PAF1: variants seen among roughly 807,000 people sequenced by gnomAD.
PAF1 encodes RNA polymerase II-associated factor 1 homolog.
In PAF1, 31 loss-of-function variants were observed where a neutral mutation model predicts 68.4. The ratio of observed to expected loss-of-function variants is 0.45; its 90% CI spans 0.34 to 0.61. The LOEUF (loss-of-function observed/expected upper bound fraction) is 0.61. Ranked by LOEUF, PAF1 falls within the 20% of genes least tolerant of loss-of-function variation. The pLI, the probability that PAF1 is intolerant of heterozygous loss-of-function variation, is 0.01. For missense variants in PAF1, 435 were observed against 692.9 expected (o/e 0.63, Z 4.18); for synonymous variants, 256 against 240.5 (o/e 1.06, Z -0.60).
intron 11 of PAF1, chr19:39,387,274 T>C (rs1346680389): frequency 5.7e-6 from 2 of 352,908 alleles, no homozygotes; most frequent in Admixed American, 2.9e-5. Context: ...TATCTAAACA[T>C]AGAAAAGGTA....
chr19:39,387,093 A>G (rs2078268872), intron 11 of PAF1: 1 of 509,782 alleles, frequency 2.0e-6, no homozygotes. Context: ...ACATTCTGAG[A>G]TATACATCAT....
At position 39,389,881 on chromosome 19, in the gene PAF1, G is replaced by A. The variant is rs2078335836; in HGVS notation, c.171-120C>T. 1 of 1,401,754 alleles carries A rather than the reference G, an allele frequency of 7.1e-7. No homozygotes were observed. Among genetic ancestry groups the A allele is most frequent in the Non-Finnish European group, 1.0e-6 (1 of 995,538 alleles). The allele number at this position is 1,401,754 out of a possible 1,614,324, so 86.8% of individuals were successfully genotyped here. On this transcript the variant is annotated intron_variant, in intron 3 of 13. Coordinates refer to ENST00000221265, the MANE Select transcript of PAF1 (RefSeq NM_019088.4). This position sits in a 1 kb window ranked among gnomAD's most constrained non-coding sequence, Gnocchi z 5.3. ...AGAATGAAGTGTCCCCCATGGCAGA[G>A]TCTGAAAGCTGGCTCCCCAGTGGGA...
chr19:39,389,556 A>G lies in PAF1; in HGVS notation c.293-10T>C, dbSNP rs750556137. 1 of 1,614,058 alleles carries G rather than the reference A, an allele frequency of 6.2e-7. No individual in the cohort carries two copies. Among genetic ancestry groups the G allele is most frequent in the Non-Finnish European group, 8.5e-7 (1 of 1,180,000 alleles). On this transcript the variant is annotated splice_polypyrimidine_tract_variant and intron_variant, in intron 4 of 13. Transcript: ENST00000221265. The surrounding 1 kb of genome is among the most constrained non-coding windows in gnomAD (Gnocchi z 5.3). ...GCTGGATCTAGAAGAACTAGAGGAGAGCGGGGGGCAGGAGGACCATGAGGG... is the reference window on the plus strand; with the variant it reads ...GCTGGATCTAGAAGAACTAGAGGAGGGCGGGGGGCAGGAGGACCATGAGGG...
chr19:39,389,683 G>A lies in PAF1; in HGVS notation c.249C>T (p.Thr83=). The A allele has an allele frequency of 6.2e-7, 1 of 1,614,170 alleles. No individual in the cohort carries two copies. The highest frequency in any genetic ancestry group is 8.5e-7 in the Non-Finnish European group (1 of 1,180,006). ...DLLTEPDLGV[T]IDLINPDTYR... is the part of the protein sequence containing the mutation. ...AGGTGTCAGGATTGATGAGATCGAT[G>A]GTGACCCCCAGGTCTGGCTCAGTCA... is the stretch of plus-strand genomic sequence containing the variant. Residue 83 remains threonine, a synonymous_variant, in exon 4 of 14, where the codon ACC becomes ACT. Coordinates refer to ENST00000221265, the MANE Select transcript of PAF1 (RefSeq NM_019088.4). The surrounding 1 kb of genome is among the most constrained non-coding windows in gnomAD (Gnocchi z 5.3).
At chr19:39,388,066 AG>A (rs2078291921) in intron 11 of PAF1, among the ~76,000 whole-genome samples, 1 of 152,170 alleles carries the variant, frequency 6.6e-6, no homozygotes, top group African/African-American at 2.4e-5. Flanking sequence ...ACTTGAACCC[AG>A]GAAGCGGAGG....
intron 11 of PAF1, among the ~76,000 whole-genome samples, chr19:39,387,810 CTGCCTTGCGCAAAGGCT>C (rs1460497211): frequency 6.6e-6 from 1 of 152,242 alleles, no homozygotes; most frequent in Non-Finnish European, 1.5e-5. Flanking sequence ...ACTTGGCCCT[CTGCCTTGCGCAAAGGCT>C]CTAAATGTCT....
At position 39,388,189 on chromosome 19, in the gene PAF1, CT is replaced by C. The variant is rs1262837893; in HGVS notation, c.986+149del. 945 of 750,708 alleles carry C rather than the reference CT, an allele frequency of 1.3e-3. 16 individuals carry two copies. The South Asian group carries it at 0.016, about 13-fold the overall frequency. 46.5% of individuals were successfully genotyped at this position (750,708 alleles called of 1,614,324 possible). A position where few individuals can be genotyped will look rare whatever the true frequency, so the allele number is the denominator to read the frequency against. Reference sequence around the variant, plus strand: ...CTCCTCCTGTTAGAACCAAGTCCAGCTCATGTGCATGACCAGACATCTGCTG... The same window carrying C: ...CTCCTCCTGTTAGAACCAAGTCCAGCCATGTGCATGACCAGACATCTGCTG... On this transcript the variant is annotated intron_variant, in intron 11 of 13. Transcript: ENST00000221265.
chr19:39,388,625 T>G lies in PAF1; in HGVS notation c.792A>C (p.Val264=), dbSNP rs201346621. ...GCTTTCGTTTCTTCAACGTCTCTTC[T>G]ACAGGCAGGAAATAGGCCACAAACT... ...GNQFVAYFLP[V]EETLKKRKRD... is the part of the protein sequence containing the mutation. The change falls in exon 10 of 14, where the codon GTA becomes GTC. Residue 264 remains valine, a synonymous_variant. Coordinates refer to ENST00000221265, the MANE Select transcript of PAF1 (RefSeq NM_019088.4). 44 of 1,614,130 alleles carry G rather than the reference T, an allele frequency of 2.7e-5. No homozygotes were observed. Among genetic ancestry groups the G allele is most frequent in the Non-Finnish European group, 3.6e-5 (43 of 1,180,030 alleles).
At chr19:39,387,931 A>G (rs529179018) in intron 11 of PAF1, among the ~76,000 whole-genome samples, 1 of 152,272 alleles carries the variant, frequency 6.6e-6, no homozygotes, top group East Asian at 1.9e-4. Context: ...TGAGGTCAGG[A>G]GTTCAAGACC....
chr19:39,390,617 G>A (rs2078359602), intron 1 of PAF1, among the ~76,000 whole-genome samples: 1 of 152,158 alleles, frequency 6.6e-6, no homozygotes, highest in South Asian at 2.1e-4. Flanking sequence ...GATCCCTTCT[G>A]GAGGGAGTCT....
Position 39,388,748 on chromosome 19 carries a change from G to A in PAF1, c.740+14C>T, listed in dbSNP as rs1320817698. 6.2e-7 allele frequency: 1 copy of A among 1,603,262 alleles called. No homozygotes were observed. Among genetic ancestry groups the A allele is most frequent in the East Asian group, 2.2e-5 (1 of 44,852 alleles). On this transcript the variant is annotated intron_variant, in intron 9 of 13. Coordinates refer to ENST00000221265, the MANE Select transcript of PAF1 (RefSeq NM_019088.4). ...AGCAAGGAGCAGGCCAAGGTGGACA[G>A]CAGGACCACCTACCTAATCATGGCC...
Position 39,389,327 on chromosome 19 carries a change from G to T in PAF1, c.416C>A (p.Thr139Asn), listed in dbSNP as rs1263728908. 2 of 1,614,066 alleles carry T rather than the reference G, an allele frequency of 1.2e-6. No individual in the cohort carries two copies. Among genetic ancestry groups the T allele is most frequent in the African/African-American group, 2.7e-5 (2 of 74,926 alleles). The change falls in exon 6 of 14, where the codon ACT (threonine) becomes AAT (asparagine). Residue 139 changes from threonine to asparagine, a missense_variant. Thr to Asn is a moderately conservative substitution (Grantham distance 65, BLOSUM62 0). Transcript: ENST00000221265. This position sits in a 1 kb window ranked among gnomAD's most constrained non-coding sequence, Gnocchi z 5.3. ...GGAGATGCCATAACGGTTGAACTCA[G>T]TGGAGATGTACTCTGTCTTTCGCAT... The part of the protein sequence containing the change: ...PWMRKTEYIS[T>N]EFNRYGISNE...
Position 39,390,099 on chromosome 19 carries a change from T to G in PAF1, c.140A>C (p.Lys47Thr). 1 of 1,613,938 alleles carries G rather than the reference T, an allele frequency of 6.2e-7. No homozygotes were observed. The highest frequency in any genetic ancestry group is 8.5e-7 in the Non-Finnish European group (1 of 1,179,908). The part of the protein sequence containing the change: ...NSLPDIPFDP[K>T]FITYPFDQNR... Reference sequence around the variant, plus strand: ...CTGGTCGAAGGGGTAGGTGATGAACTTGGGGTCGAAGGGGATATCAGGGAG... The same window carrying G: ...CTGGTCGAAGGGGTAGGTGATGAACGTGGGGTCGAAGGGGATATCAGGGAG... The change falls in exon 3 of 14, where the codon AAG becomes ACG. Residue 47 changes from lysine to threonine, a missense_variant. Transcript: ENST00000221265.
In PAF1 at chr19:39,386,627, T is replaced by TC; in HGVS notation, c.1093-56dup. 2 of 1,604,034 alleles carry TC rather than the reference T, an allele frequency of 1.2e-6. No homozygotes were observed. Among genetic ancestry groups the TC allele is most frequent in the Non-Finnish European group, 1.7e-6 (2 of 1,170,994 alleles). On this transcript the variant is annotated intron_variant, in intron 12 of 13. Coordinates refer to ENST00000221265, the MANE Select transcript of PAF1 (RefSeq NM_019088.4). The surrounding 1 kb of genome is among the most constrained non-coding windows in gnomAD (Gnocchi z 6.1). The stretch of plus-strand genomic sequence containing the variant: ...AGGAGGGTGTTCTGCTGGGTTTTTG[T>TC]CCCCCTCCTCACCTACAACCACCAC...
In PAF1 at chr19:39,386,185, C is replaced by G. The variant is rs146793593; in HGVS notation, c.1402G>C (p.Asp468His). ...CCTTGGGCCTGTCCTCTGTCCTCAT[C>G]ATCAGAGTCGGCATCGTCCTCAGAA... ...ADSEDDADSD[D>H]EDRGQAQGGS... The change falls in exon 14 of 14, where the codon GAT becomes CAT. Residue 468 changes from aspartate to histidine, a missense_variant. Physicochemically the swap from Asp to His is moderately conservative, Grantham distance 81 (BLOSUM62 -1). Coordinates refer to ENST00000221265, the MANE Select transcript of PAF1 (RefSeq NM_019088.4). The surrounding 1 kb of genome is among the most constrained non-coding windows in gnomAD (Gnocchi z 6.1). 7.6e-5 allele frequency: 123 copies of G among 1,614,196 alleles called. 1 individual carries two copies. In the African/African-American group the frequency reaches 1.1e-3, roughly 15 times the overall value.
intron 2 of PAF1, 42 bp from the exon 3 acceptor site, chr19:39,390,203 A>G: frequency 6.2e-7 from 1 of 1,612,250 alleles, no homozygotes; most frequent in Admixed American, 1.7e-5. Flanking sequence ...CCGCTGCCCC[A>G]CCTCTGCTCC....
rs2078254852 is a variant in PAF1 at position 39,386,566 on chromosome 19, G to A, written c.1099C>T (p.Arg367Trp). The A allele has an allele frequency of 2.5e-6, 4 of 1,613,938 alleles. No individual in the cohort carries two copies. The highest frequency in any genetic ancestry group is 2.5e-6 in the Non-Finnish European group (3 of 1,179,966). ...NEKELEAQEARKAQLENHEPE... is the reference protein window; with the variant it reads ...NEKELEAQEAWKAQLENHEPE... ...TCGTGGTTTTCTAGCTGGGCCTTCC[G>A]TGCCTCCTGGAAGCAGCAAGATTGG... Residue 367 changes from arginine (R) to tryptophan (W), a missense_variant, in exon 13 of 14, where the codon CGG becomes TGG. By Grantham distance (101) the Arg-to-Trp change is moderately radical. This residue lies in a region of PAF1 where 151 missense variants were observed against 306.3 expected (regional missense o/e 0.49). Transcript: ENST00000221265. This position sits in a 1 kb window ranked among gnomAD's most constrained non-coding sequence, Gnocchi z 6.1.
rs896397972 is a variant in PAF1 at position 39,387,021 on chromosome 19, CTGTG to C, written c.987-226_987-223del. 15 of 601,828 alleles carry C rather than the reference CTGTG, an allele frequency of 2.5e-5. No homozygotes were observed. In the African/African-American group the frequency reaches 2.6e-4, roughly 10 times the overall value. The allele number at this position is 601,828 out of a possible 1,614,324, so 37.3% of individuals were successfully genotyped here. On this transcript the variant is annotated intron_variant, in intron 11 of 13. Transcript: ENST00000221265. ...ATGGCACCAGTTTGGTTGCCCTACA[CTGTG>C]TGTGTGTGTTATACGGTGTATTTAC...
chr19:39,389,460 C>T lies in PAF1; in HGVS notation c.359+20G>A, dbSNP rs1238144667. On this transcript the variant is annotated intron_variant, in intron 5 of 13. Transcript: ENST00000221265. This position sits in a 1 kb window ranked among gnomAD's most constrained non-coding sequence, Gnocchi z 5.3. Reference sequence around the variant, plus strand: ...GGCCCACCTGAGCCAGTCTCCAGTACCCATTTGCTACCCACTCACCTCTTG... The same window carrying T: ...GGCCCACCTGAGCCAGTCTCCAGTATCCATTTGCTACCCACTCACCTCTTG... 1.9e-6 allele frequency: 3 copies of T among 1,613,578 alleles called. No homozygotes were observed. Among genetic ancestry groups the T allele is most frequent in the Non-Finnish European group, 2.5e-6 (3 of 1,179,490 alleles).
Sources: gnomAD v4.1 joint callset for allele counts (sites outside exome capture counted in the v4.1 genomes callset) on GRCh38, gnomAD v4.1.1 for gene constraint, gnomAD v4.1.1 regional missense constraint, Gnocchi (gnomAD v3.1) non-coding constraint, MANE v1.5 for transcripts, NCBI Gene and HGNC (gene_info 2026-07-23, HGNC 2026-07-21) for gene names.